The following CETP variants were observed in gnomAD, a reference collection of about 807,000 sequenced individuals.
CETP encodes the protein cholesteryl ester transfer protein.
In CETP, 56 loss-of-function variants were observed where a neutral mutation model predicts 66.5. The observed-to-expected ratio is 0.84, with a 90% CI of 0.68 to 1.05. The LOEUF is 1.05. Ranked by LOEUF, CETP falls within the 50% of genes least tolerant of loss-of-function variation. The pLI, the probability that CETP is intolerant of heterozygous loss-of-function variation, is 0.00. For synonymous variants in CETP, 251 were observed against 245.7 expected (o/e 1.02, Z -0.20); for missense variants, 612 against 609.6 (o/e 1.00, Z -0.04).
At chr16:56,971,898 C>A (rs2056113001) in intron 7 of CETP, 94 bp from the exon 8 acceptor site, 1 of 1,084,466 alleles carries the variant, frequency 9.2e-7, no homozygotes, top group Non-Finnish European at 1.4e-6. Flanking sequence ...AACACTGAGG[C>A]TGGAGGGTTG....
In CETP at chr16:56,978,125, C is replaced by A. The variant is rs1210346641; in HGVS notation, c.1016C>A (p.Thr339Asn). ...GGCTTCCCCAGCCAGGCCCAAGTCA[C>A]CGTCCACTGCCTCAAGATGCCCAAG... ...VGGFPSQAQV[T>N]VHCLKMPKIS... Residue 339 changes from threonine (T) to asparagine (N), a missense_variant, in exon 11 of 16, where the codon ACC becomes AAC. Thr to Asn is a moderately conservative substitution (Grantham distance 65). Coordinates refer to ENST00000200676, the MANE Select transcript of CETP (RefSeq NM_000078.3). The A allele has an allele frequency of 1.9e-6, 3 of 1,614,142 alleles. No homozygotes were observed. The highest frequency in any genetic ancestry group is 1.3e-5 in the African/African-American group (1 of 74,940).
intron 14 of CETP, among the ~76,000 whole-genome samples, 174 bp from the exon 15 acceptor site, chr16:56,983,152 G>T (rs1434443920): frequency 6.6e-6 from 1 of 152,190 alleles, no homozygotes; most frequent in Non-Finnish European, 1.5e-5. Context: ...GGCAAACTCT[G>T]CTCTTCCTCA....
chr16:56,982,698 C>T (rs1639870965), intron 14 of CETP, among the ~76,000 whole-genome samples: 1 of 152,216 alleles, frequency 6.6e-6, no homozygotes, highest in African/African-American at 2.4e-5. Context: ...GACTCTCAGA[C>T]ACCATAGCAC....
chr16:56,961,990 CCA>C lies in CETP; in HGVS notation c.14_15del (p.Thr5SerfsTer95), dbSNP rs766825140. Reference sequence around the variant, plus strand: ...CACTGCCTGATAACCATGCTGGCTGCCACAGTCCTGACCCTGGCCCTGCTGGG... The same window carrying C: ...CACTGCCTGATAACCATGCTGGCTGCCAGTCCTGACCCTGGCCCTGCTGGG... On this transcript the variant is annotated frameshift_variant, in exon 1 of 16. Coordinates refer to ENST00000200676, the MANE Select transcript of CETP (RefSeq NM_000078.3). LOFTEE classifies it high-confidence loss of function. 1.7e-5 allele frequency: 27 copies of C among 1,613,996 alleles called. No homozygotes were observed. Among genetic ancestry groups the C allele is most frequent in the Non-Finnish European group, 2.3e-5 (27 of 1,179,940 alleles).
At position 56,962,009 on chromosome 16, in the gene CETP, C is replaced by T. The variant is rs762643341; in HGVS notation, c.30C>T (p.Ala10=). The change falls in exon 1 of 16, where the codon GCC becomes GCT. Residue 10 remains alanine (A), a synonymous_variant. Transcript: ENST00000200676. Reference sequence around the variant, plus strand: ...TGGCTGCCACAGTCCTGACCCTGGCCCTGCTGGGCAATGCCCATGCCTGCT... The same window carrying T: ...TGGCTGCCACAGTCCTGACCCTGGCTCTGCTGGGCAATGCCCATGCCTGCT... The part of the protein sequence containing the change: MLAATVLTL[A]LLGNAHACSK... 3.1e-6 allele frequency: 5 copies of T among 1,614,142 alleles called. No individual in the cohort carries two copies. The highest frequency in any genetic ancestry group is 3.4e-6 in the Non-Finnish European group (4 of 1,180,036).
intron 2 of CETP, among the ~76,000 whole-genome samples, chr16:56,968,209 A>T (rs72771479): frequency 0.012 from 1,796 of 151,278 alleles, 29 homozygotes; most frequent in Non-Finnish European, 0.019. Flanking sequence ...TTTTTTGGCG[A>T]CAGTCTTGCT....
At chr16:56,963,180 C>A in intron 2 of CETP, 56 bp downstream of exon 2, 2 of 1,414,746 alleles carry the variant, frequency 1.4e-6, no homozygotes, top group Non-Finnish European at 2.0e-6. Context: ...GAGGAACAGC[C>A]TGGGGCTTGC....
rs1315520985 is a variant in CETP, at chr16:56,978,152, T to C, written c.1043T>C (p.Ile348Thr). The C allele has an allele frequency of 2.5e-6, 4 of 1,614,018 alleles. No homozygotes were observed. Among genetic ancestry groups the C allele is most frequent in the Non-Finnish European group, 3.4e-6 (4 of 1,180,034 alleles). The stretch of plus-strand genomic sequence containing the variant: ...GTCCACTGCCTCAAGATGCCCAAGA[T>C]CTCCTGCCAAAACAAGGGAGTCGTG... ...VTVHCLKMPKISCQNKGVVVN... is the reference protein window; with the variant it reads ...VTVHCLKMPKTSCQNKGVVVN... The change falls in exon 11 of 16, where the codon ATC becomes ACC. Residue 348 changes from isoleucine to threonine, a missense_variant. Coordinates refer to ENST00000200676, the MANE Select transcript of CETP (RefSeq NM_000078.3).
intron 2 of CETP, among the ~76,000 whole-genome samples, chr16:56,967,705 A>T (rs1432164080): frequency 6.6e-6 from 1 of 152,024 alleles, no homozygotes; most frequent in Non-Finnish European, 1.5e-5. Flanking sequence ...TGTAGAACTG[A>T]AAGAGGATTG....
chr16:56,981,142 T>C lies in CETP; in HGVS notation c.1147-16T>C, dbSNP rs1447237126. On this transcript the variant is annotated splice_polypyrimidine_tract_variant and intron_variant, in intron 11 of 15. Transcript: ENST00000200676. The stretch of plus-strand genomic sequence containing the variant: ...GAAGAGCCCTGGCTCACAGCAAATT[T>C]GGTTTCTCTCCCCAGGATATCGTGA... The C allele has an allele frequency of 6.2e-7, 1 of 1,602,644 alleles. No individual in the cohort carries two copies. Among genetic ancestry groups the C allele is most frequent in the Admixed American group, 1.7e-5 (1 of 60,000 alleles).
intron 2 of CETP, among the ~76,000 whole-genome samples, chr16:56,964,767 G>A (rs1352312526): frequency 6.6e-6 from 1 of 152,238 alleles, no homozygotes; most frequent in African/African-American, 2.4e-5. Flanking sequence ...CCGCTAGCGG[G>A]TGCTGTGGGG....
chr16:56,981,555 C>A, intron 12 of CETP, 92 bp from the exon 13 acceptor site: 2 of 1,412,714 alleles, frequency 1.4e-6, no homozygotes, highest in Non-Finnish European at 2.0e-6. Context: ...GAGACAGAAG[C>A]ACTGGCTGCT....
In CETP at chr16:56,962,983, C is replaced by T. The variant is rs1417536348; in HGVS notation, c.119-27C>T. ...CAGGGGGCTTGGTGTGGGCCTGCAG[C>T]CCCTCATCCACTGCCCTCCCCTCTA... On this transcript the variant is annotated intron_variant, in intron 1 of 15. Coordinates refer to ENST00000200676, the MANE Select transcript of CETP (RefSeq NM_000078.3). 4 of 1,596,838 alleles carry T rather than the reference C, an allele frequency of 2.5e-6. No homozygotes were observed. The Admixed American group carries it at 6.7e-5, about 27-fold the overall frequency.
chr16:56,981,195 A>T lies in CETP; in HGVS notation c.1184A>T (p.Lys395Ile), dbSNP rs770008221. ...VTTVQASYSK[K>I]KLFLSLLDFQ... ...ACCGTCCAGGCCTCCTATTCTAAGA[A>T]AAAGCTCTTCTTAAGCCTCTTGGAT... The change falls in exon 12 of 16, where the codon AAA becomes ATA. Residue 395 changes from lysine (K) to isoleucine (I), a missense_variant. Lys to Ile is a moderately radical substitution (Grantham distance 102). Coordinates refer to ENST00000200676, the MANE Select transcript of CETP (RefSeq NM_000078.3). 6.2e-7 allele frequency: 1 copy of T among 1,613,816 alleles called. No individual in the cohort carries two copies. Among genetic ancestry groups the T allele is most frequent in the Non-Finnish European group, 8.5e-7 (1 of 1,179,788 alleles).
At chr16:56,974,770 A>G (rs2056137616) in intron 9 of CETP, among the ~76,000 whole-genome samples, 1 of 152,188 alleles carries the variant, frequency 6.6e-6, no homozygotes. Flanking sequence ...TGTACTCTTC[A>G]CCTATACTGT....
Position 56,983,375 on chromosome 16 carries a change from C to G in CETP, c.1371C>G (p.Leu457=), listed in dbSNP as rs748049279. 6.2e-7 allele frequency: 1 copy of G among 1,614,238 alleles called. No individual in the cohort carries two copies. The highest frequency in any genetic ancestry group is 1.1e-5 in the South Asian group (1 of 91,088). Residue 457 remains leucine, a synonymous_variant, in exon 15 of 16, where the codon CTC becomes CTG. Coordinates refer to ENST00000200676, the MANE Select transcript of CETP (RefSeq NM_000078.3). The stretch of plus-strand genomic sequence containing the variant: ...TCATGAACAGCAAAGGCGTGAGCCT[C>G]TTCGACATCATCAACCCTGAGATTA... ...TALMNSKGVS[L]FDIINPEIIT...
chr16:56,965,346 A>C (rs7203984), intron 2 of CETP, among the ~76,000 whole-genome samples: 46,390 of 152,126 alleles, frequency 0.3, 8,866 homozygotes, highest in African/African-American at 0.54. Flanking sequence ...GAAGTTGGAT[A>C]ATGGGTAAGA....
At chr16:56,971,415 C>G in intron 7 of CETP, 34 bp downstream of exon 7, 1 of 1,603,020 alleles carries the variant, frequency 6.2e-7, no homozygotes, top group Non-Finnish European at 8.5e-7. Flanking sequence ...CCTCAGAAGA[C>G]AGCAGTGGGA....
chr16:56,970,031 C>A, intron 5 of CETP, 30 bp downstream of exon 5: 2 of 1,596,370 alleles, frequency 1.3e-6, no homozygotes, highest in Non-Finnish European at 1.7e-6. Flanking sequence ...GCCCCCATTC[C>A]TGCTCGTGCC....
Sources: allele counts gnomAD v4.1 joint callset (sites outside exome capture counted in the v4.1 genomes callset), GRCh38; gene constraint gnomAD v4.1.1; transcripts MANE v1.5; gene names NCBI Gene and HGNC (gene_info 2026-07-23, HGNC 2026-07-21).